ZNF341: variants seen among roughly 807,000 people sequenced by gnomAD.
ZNF341 encodes the protein zinc finger protein 341.
In ZNF341, 52 loss-of-function variants were observed where a neutral mutation model predicts 87.7. That is an observed-to-expected ratio of 0.59 (90% confidence interval 0.47 to 0.75). The LOEUF (loss-of-function observed/expected upper bound fraction) is 0.75. Ranked by LOEUF, ZNF341 falls within the 30% of genes least tolerant of loss-of-function variation. The pLI is 0.00. For missense variants in ZNF341, 977 were observed against 1,145.9 expected (o/e 0.85, Z 2.13); for synonymous variants, 459 against 472.7 (o/e 0.97, Z 0.38).
In ZNF341 at chr20:33,781,104, C is replaced by T. The variant is rs576570087; in HGVS notation, c.1623-187C>T. ...AGGGTGGCCAGCGAGGAGGCTACTG[C>T]ACAAGTCCGAACAAGAGATGATGGC... On this transcript the variant is annotated intron_variant, in intron 10 of 14. Transcript: ENST00000375200. Among the ~76,000 whole-genome samples the T allele has an allele frequency of 3.3e-5, 5 of 152,268 alleles. No individual in the cohort carries two copies. In the South Asian group the frequency reaches 1.0e-3, roughly 32 times the overall value.
rs1006039546 is a variant in ZNF341, at chr20:33,732,069, CCGGCGGAGG to C, written c.31+22_31+30del. 4.7e-5 allele frequency: 59 copies of C among 1,266,706 alleles called. No individual in the cohort carries two copies. Among genetic ancestry groups the C allele is most frequent in the Non-Finnish European group, 5.5e-5 (55 of 1,001,284 alleles). The allele number at this position is 1,266,706 out of a possible 1,614,324, so 78.5% of individuals were successfully genotyped here. ...CCCTGGAGGGTGAGCGGCGGCGGGG[CCGGCGGAGG>C]CGGCTGTTCCGCGCTGCGCCCCCTC... On this transcript the variant is annotated intron_variant, in intron 1 of 14. Coordinates refer to ENST00000375200, the MANE Select transcript of ZNF341 (RefSeq NM_001282933.2). This position sits in a 1 kb window ranked among gnomAD's most constrained non-coding sequence, Gnocchi z 4.5.
At chr20:33,749,913 C>T (rs2019018758) in intron 4 of ZNF341, among the ~76,000 whole-genome samples, 2 of 151,864 alleles carry the variant, frequency 1.3e-5, no homozygotes, top group African/African-American at 4.8e-5. Flanking sequence ...CCACCACGCC[C>T]AGCTGATTTT....
At chr20:33,770,343 G>GGGGGGGGGGCGGGC in intron 10 of ZNF341, 51 bp downstream of exon 10, 2 of 511,254 alleles carry the variant, frequency 3.9e-6, no homozygotes, top group East Asian at 5.9e-5. Flanking sequence ...GGTGGGCAGG[G>GGGGGGGGGGCGGGC]AGCCCAGGGC....
At chr20:33,770,335 T>TGGGGGGGGGG in intron 10 of ZNF341, 43 bp downstream of exon 10, 1 of 380,180 alleles carries the variant, frequency 2.6e-6, no homozygotes, top group Non-Finnish European at 5.4e-6. Context: ...GACGGGTGGG[T>TGGGGGGGGGG]GGGCAGGGAG....
Position 33,767,069 on chromosome 20 carries a change from A to G in ZNF341, c.1413+28A>G. Reference sequence around the variant, plus strand: ...AGGTGGATGGTGGCAGCAGGGGCCCACACCACACCAGTCGAAACCTTTCAC... The same window carrying G: ...AGGTGGATGGTGGCAGCAGGGGCCCGCACCACACCAGTCGAAACCTTTCAC... On this transcript the variant is annotated intron_variant, in intron 9 of 14. Transcript: ENST00000375200. 1.9e-6 allele frequency: 3 copies of G among 1,595,716 alleles called. No individual in the cohort carries two copies. The South Asian group carries it at 3.4e-5, about 18-fold the overall frequency.
At chr20:33,744,975 T>C in intron 2 of ZNF341, 128 bp from the exon 3 acceptor site, 1 of 785,308 alleles carries the variant, frequency 1.3e-6, no homozygotes, top group Non-Finnish European at 2.0e-6. Context: ...CCCCCCAGAT[T>C]GCTGCTTGTG....
chr20:33,772,002 G>T (rs1321699303), intron 10 of ZNF341, among the ~76,000 whole-genome samples: 1 of 51,626 alleles, frequency 1.9e-5, no homozygotes, highest in East Asian at 8.8e-4. Flanking sequence ...CGACAGAGAC[G>T]CTTGTCTTAA....
At chr20:33,748,876 A>ACT (rs766631136) in intron 3 of ZNF341, 47 bp from the exon 4 acceptor site, 1 of 1,562,132 alleles carries the variant, frequency 6.4e-7, no homozygotes, top group African/African-American at 1.3e-5. Flanking sequence ...GCACACACAC[A>ACT]CTCTGTCTCT....
chr20:33,755,491 T>C (rs1380752589), intron 5 of ZNF341, among the ~76,000 whole-genome samples: 1 of 152,082 alleles, frequency 6.6e-6, no homozygotes, highest in African/African-American at 2.4e-5. Flanking sequence ...GTACCTTTTT[T>C]TCAGCTTTGT....
intron 12 of ZNF341, among the ~76,000 whole-genome samples, chr20:33,786,813 C>CT (rs1315244575): frequency 2.0e-5 from 3 of 151,662 alleles, no homozygotes; most frequent in Non-Finnish European, 4.4e-5. Context: ...ACTAAAAATA[C>CT]AAAAATTAGC....
Position 33,772,555 on chromosome 20 carries a change from A to T in ZNF341, c.1622+2263A>T, listed in dbSNP as rs73622548. On this transcript the variant is annotated intron_variant, in intron 10 of 14. Transcript: ENST00000375200. ...TATCATATATGTTTATAAGGTATAG[A>T]GATACCACAGGGGAGGCAGGCTAGA... is the stretch of plus-strand genomic sequence containing the variant. Among the ~76,000 whole-genome samples, 194 of 152,324 alleles carry T rather than the reference A, an allele frequency of 1.3e-3. 2 individuals carry two copies. The East Asian group carries it at 0.037, about 29-fold the overall frequency.
intron 3 of ZNF341, among the ~76,000 whole-genome samples, chr20:33,746,176 G>T (rs189179614): frequency 6.7e-6 from 1 of 149,134 alleles, no homozygotes; most frequent in African/African-American, 2.5e-5. Flanking sequence ...TGATCTGCCC[G>T]CCTCGGCCTC....
At chr20:33,754,028 T>C (rs2122666773) in intron 5 of ZNF341, among the ~76,000 whole-genome samples, 1 of 152,332 alleles carries the variant, frequency 6.6e-6, no homozygotes, top group Admixed American at 6.5e-5. Context: ...CACTAGGTTC[T>C]CATGGCCATG....
Position 33,757,188 on chromosome 20 carries a change from C to A in ZNF341, c.782C>A (p.Pro261His). The A allele has an allele frequency of 1.3e-6, 2 of 1,536,882 alleles. No homozygotes were observed. The highest frequency in any genetic ancestry group is 1.7e-6 in the Non-Finnish European group (2 of 1,142,940). Residue 261 changes from proline (P) to histidine (H), a missense_variant, in exon 6 of 15, where the codon CCC (proline) becomes CAC (histidine). By Grantham distance (77) the Pro-to-His change is moderately conservative (BLOSUM62 -2). Coordinates refer to ENST00000375200, the MANE Select transcript of ZNF341 (RefSeq NM_001282933.2). ...GTGGAGCCTCCAGTATATCCCACCCCCACAGTGTACAGCCCTGGCAAACAG... is the reference window on the plus strand; with the variant it reads ...GTGGAGCCTCCAGTATATCCCACCCACACAGTGTACAGCCCTGGCAAACAG... The part of the protein sequence containing the change: ...QCVEPPVYPT[P>H]TVYSPGKQGF...
At chr20:33,779,169 A>C (rs1479054713) in intron 10 of ZNF341, among the ~76,000 whole-genome samples, 1 of 152,132 alleles carries the variant, frequency 6.6e-6, no homozygotes, top group Non-Finnish European at 1.5e-5. Context: ...TCATGGCAGG[A>C]GGAGAAGGGG....
Position 33,770,237 on chromosome 20 carries a change from T to G in ZNF341, c.1567T>G (p.Tyr523Asp), listed in dbSNP as rs2019500633. The change falls in exon 10 of 15, where the codon TAC (tyrosine) becomes GAC (aspartate). Residue 523 changes from tyrosine (Y) to aspartate (D), a missense_variant. Physicochemically the swap from Tyr to Asp is radical, Grantham distance 160. This residue lies in a region of ZNF341 where 241 missense variants were observed against 335.0 expected (regional missense o/e 0.72). Coordinates refer to ENST00000375200, the MANE Select transcript of ZNF341 (RefSeq NM_001282933.2). ...PSLYDLGVHQ[Y>D]SHSLLPQHSP... ...GCTGTACGACCTGGGCGTGCACCAGTACTCCCACAGCCTCCTGCCACAGCA... is the reference window on the plus strand; with the variant it reads ...GCTGTACGACCTGGGCGTGCACCAGGACTCCCACAGCCTCCTGCCACAGCA... 4 of 1,592,954 alleles carry G rather than the reference T, an allele frequency of 2.5e-6. No homozygotes were observed. The highest frequency in any genetic ancestry group is 3.4e-6 in the Non-Finnish European group (4 of 1,166,766).
chr20:33,748,317 G>A (rs190008060), intron 3 of ZNF341, among the ~76,000 whole-genome samples: 10 of 152,156 alleles, frequency 6.6e-5, no homozygotes, highest in East Asian at 1.9e-4. Flanking sequence ...TGATCTGCCC[G>A]CCTCAGCCTC....
intron 10 of ZNF341, among the ~76,000 whole-genome samples, chr20:33,774,342 C>T (rs564555145): frequency 6.6e-6 from 1 of 152,004 alleles, no homozygotes; most frequent in South Asian, 2.1e-4. Flanking sequence ...TTTTTTCCCC[C>T]AATTGCAAAA....
chr20:33,748,597 G>A (rs1478563877), intron 3 of ZNF341, among the ~76,000 whole-genome samples: 1 of 151,178 alleles, frequency 6.6e-6, no homozygotes, highest in African/African-American at 2.4e-5. Flanking sequence ...TGAACTCCTG[G>A]GTTCAAGTGA....
Sources: gnomAD v4.1 joint callset for allele counts (sites outside exome capture counted in the v4.1 genomes callset) on GRCh38, gnomAD v4.1.1 for gene constraint, gnomAD v4.1.1 regional missense constraint, Gnocchi (gnomAD v3.1) non-coding constraint, MANE v1.5 for transcripts, NCBI Gene and HGNC (gene_info 2026-07-23, HGNC 2026-07-21) for gene names.